The following ATP2B3 variants were observed in gnomAD, a reference collection of about 807,000 sequenced individuals.
ATP2B3 encodes the protein ATPase plasma membrane Ca2+ transporting 3, also known as plasma membrane calcium-transporting ATPase 3.
ATP2B3 carries 12 observed loss-of-function variants against 70.8 expected under a neutral mutation model. The observed-to-expected ratio is 0.17, with a 90% CI of 0.11 to 0.27. The LOEUF is 0.27. ATP2B3 is among the 10% of genes least tolerant of loss of function. ATP2B3 has a pLI of 1.00. For missense variants in ATP2B3, 858 were observed against 1,118.5 expected (o/e 0.77, Z 3.32); for synonymous variants, 460 against 497.8 (o/e 0.92, Z 1.01).
At chrX:153,558,416 T>A in intron 17 of ATP2B3, 113 bp downstream of exon 17, 2 of 792,279 alleles carry the variant, frequency 2.5e-6, no homozygotes, top group Non-Finnish European at 3.5e-6. Flanking sequence ...TTAATTGAGA[T>A]CAAATTCATA....
chrX:153,563,562 A>G (rs2090659078), intron 20 of ATP2B3, among the ~76,000 whole-genome samples: 1 of 111,336 alleles, frequency 9.0e-6, no homozygotes, highest in Non-Finnish European at 1.9e-5. Context: ...TTCCTGTTTC[A>G]TTTTCAGAAT....
At chrX:153,565,541 G>A (rs1020902500) in intron 21 of ATP2B3, among the ~76,000 whole-genome samples, 5 of 112,442 alleles carry the variant, frequency 4.4e-5, no homozygotes, top group East Asian at 2.8e-4. Flanking sequence ...CTGTAAATGC[G>A]ATGGGGAGAC....
chrX:153,573,520 C>G (rs2090817821), intron 21 of ATP2B3, among the ~76,000 whole-genome samples: 1 of 112,957 alleles, frequency 8.9e-6, no homozygotes, highest in African/African-American at 3.2e-5. Context: ...AGAGCCCTGC[C>G]CTAGGCTTTC....
chrX:153,546,152 CACA>C (rs782630249), intron 8 of ATP2B3, 23 bp downstream of exon 8: 20 of 1,209,615 alleles, frequency 1.7e-5, no homozygotes, highest in Non-Finnish European at 2.2e-5. Context: ...GCTGCTTGGG[CACA>C]ACAAGCTTGG....
At chrX:153,552,997 C>T (rs1208762138) in intron 12 of ATP2B3, 38 bp from the exon 13 acceptor site, 2 of 1,131,304 alleles carry the variant, frequency 1.8e-6, no homozygotes, top group Non-Finnish European at 2.4e-6. Flanking sequence ...GTTGTTCTCT[C>T]CCCACCTCCA....
chrX:153,578,975 C>T (rs782045213), intron 21 of ATP2B3, among the ~76,000 whole-genome samples: 2 of 112,835 alleles, frequency 1.8e-5, no homozygotes, highest in South Asian at 3.7e-4. Flanking sequence ...TGGCCATTTT[C>T]GGTCTCAGAT....
chrX:153,548,281 CT>C (rs35878964), intron 9 of ATP2B3, among the ~76,000 whole-genome samples: 31,727 of 111,512 alleles, frequency 0.28, 3,856 homozygotes, highest in Non-Finnish European at 0.37. Context: ...GGCTCTGCCC[CT>C]GGCACCCTCA....
intron 2 of ATP2B3, among the ~76,000 whole-genome samples, chrX:153,525,008 G>A (rs2090010392): frequency 8.9e-6 from 1 of 112,076 alleles, no homozygotes; most frequent in African/African-American, 3.2e-5. Context: ...GCAGATGGGA[G>A]GCGGGTGTGG....
intron 21 of ATP2B3, among the ~76,000 whole-genome samples, chrX:153,577,669 G>A (rs146584290): frequency 0.069 from 7,714 of 112,535 alleles, 402 homozygotes; most frequent in East Asian, 0.44. Flanking sequence ...AGTGAGAATA[G>A]CTGACCATCT....
chrX:153,573,507 C>G (rs1249184839), intron 21 of ATP2B3, among the ~76,000 whole-genome samples: 1 of 113,046 alleles, frequency 8.8e-6, no homozygotes, highest in Non-Finnish European at 1.9e-5. Context: ...CAACCCTCCC[C>G]CAAGAGCCCT....
rs1201519040 is a variant in ATP2B3, at chrX:153,562,253, G to A, written c.3159+11G>A. ...CTGGTCTGGGGACAGGTGAGTGACA[G>A]CCCTGCCCCTCATTTCAGACTGCCC... On this transcript the variant is annotated intron_variant, in intron 20 of 21. Transcript: ENST00000263519. The A allele has an allele frequency of 5.0e-6, 6 of 1,191,202 alleles. No individual in the cohort carries two copies. Among genetic ancestry groups the A allele is most frequent in the Non-Finnish European group, 6.8e-6 (6 of 879,415 alleles).
chrX:153,541,748 G>A lies in ATP2B3; in HGVS notation c.486G>A (p.Leu162=). 8.3e-7 allele frequency: 1 copy of A among 1,211,828 alleles called. No individual in the cohort carries two copies. Among genetic ancestry groups the A allele is most frequent in the South Asian group, 1.8e-5 (1 of 56,993 alleles). The change falls in exon 5 of 22, where the codon CTG becomes CTA. Residue 162 remains leucine (L), a synonymous_variant. Coordinates refer to ENST00000263519, the MANE Select transcript of ATP2B3 (RefSeq NM_001001344.3). The part of the protein sequence containing the change: ...AGWIEGAAIL[L]SVICVVLVTA... The stretch of plus-strand genomic sequence containing the variant: ...GGATCGAGGGGGCTGCCATCCTGCT[G>A]TCCGTCATCTGTGTGGTGCTGGTCA...
chrX:153,554,869 G>T (rs782644718), intron 13 of ATP2B3, among the ~76,000 whole-genome samples: 154 of 111,483 alleles, frequency 1.4e-3, no homozygotes, highest in Non-Finnish European at 2.6e-3. Flanking sequence ...GCCTGGCCTG[G>T]CCCTTTGGGG....
intron 7 of ATP2B3, 129 bp from the exon 8 acceptor site, chrX:153,545,959 G>A (rs782773871): frequency 1.7e-5 from 11 of 665,886 alleles, no homozygotes; most frequent in Middle Eastern, 3.0e-4. Flanking sequence ...GTGACGGGGT[G>A]AGCCTGGAGA....
chrX:153,534,196 G>C (rs1268853217), intron 2 of ATP2B3, among the ~76,000 whole-genome samples: 1 of 110,849 alleles, frequency 9.0e-6, no homozygotes, highest in Non-Finnish European at 1.9e-5. Context: ...TCCTGGGGTG[G>C]GGAGGGGAGG....
rs1302464399 is a variant in ATP2B3 at position 153,579,873 on chromosome X, CTCCTTCCT to C, written c.3343-96_3343-89del. 4 of 686,841 alleles carry C rather than the reference CTCCTTCCT, an allele frequency of 5.8e-6. No homozygotes were observed. In the African/African-American group the frequency reaches 8.8e-5, roughly 15 times the overall value. The allele number at this position is 686,841 out of a possible 1,213,427, so 56.6% of individuals were successfully genotyped here. On this transcript the variant is annotated intron_variant, in intron 21 of 21. Coordinates refer to ENST00000263519, the MANE Select transcript of ATP2B3 (RefSeq NM_001001344.3). ...CCAGCACCAGCCGGCCACTGACTGT[CTCCTTCCT>C]TCCTTCCTACCTTCCTTCCACGTTT... is the stretch of plus-strand genomic sequence containing the variant.
chrX:153,540,639 C>T (rs2090266046), intron 3 of ATP2B3, among the ~76,000 whole-genome samples: 1 of 112,945 alleles, frequency 8.9e-6, no homozygotes, highest in Admixed American at 9.3e-5. Flanking sequence ...GCAGGCTGTC[C>T]CTGCCCCCAC....
chrX:153,553,393 C>CA, intron 13 of ATP2B3, 124 bp downstream of exon 13: 2 of 584,905 alleles, frequency 3.4e-6, no homozygotes, highest in Non-Finnish European at 5.3e-6. Flanking sequence ...TACACTTGAG[C>CA]CCCGTCCTGG....
At chrX:153,575,656 G>T (rs890817066) in intron 21 of ATP2B3, among the ~76,000 whole-genome samples, 2 of 111,735 alleles carry the variant, frequency 1.8e-5, no homozygotes, top group Non-Finnish European at 3.8e-5. Flanking sequence ...GGCCGGGGGG[G>T]TTGGGCCTGC....
Sources: gnomAD v4.1 joint callset for allele counts (sites outside exome capture counted in the v4.1 genomes callset) on GRCh38, gnomAD v4.1.1 for gene constraint, MANE v1.5 for transcripts, NCBI Gene and HGNC (gene_info 2026-07-23, HGNC 2026-07-21) for gene names.